Variants in DNMT1 observed in about 807,000 individuals in gnomAD.
DNMT1 encodes the protein DNA (cytosine-5)-methyltransferase 1.
Under a neutral mutation model 205.3 loss-of-function variants are expected in DNMT1, and 24 were observed. The ratio of observed to expected loss-of-function variants is 0.12; its 90% CI spans 0.08 to 0.16. DNMT1 has a LOEUF of 0.16. Ranked by LOEUF, DNMT1 falls within the 10% of genes least tolerant of loss-of-function variation. The pLI is 1.00. For missense variants in DNMT1, 1,293 were observed against 2,177.7 expected (o/e 0.59, Z 8.09); for synonymous variants, 817 against 839.8 (o/e 0.97, Z 0.47).
At chr19:10,158,085 G>A (rs979682327) in intron 17 of DNMT1, among the ~76,000 whole-genome samples, 3 of 152,292 alleles carry the variant, frequency 2.0e-5, no homozygotes, top group South Asian at 2.1e-4. Context: ...CTCCAGGAAC[G>A]AATCTATGAT....
intron 5 of DNMT1, among the ~76,000 whole-genome samples, chr19:10,179,290 G>A (rs2038995096): frequency 6.6e-6 from 1 of 151,956 alleles, no homozygotes; most frequent in South Asian, 2.1e-4. Flanking sequence ...CATGTTTTGG[G>A]ATCTAATGCT....
At position 10,175,615 on chromosome 19, in the gene DNMT1, A is replaced by T. The variant is rs771284800; in HGVS notation, c.573T>A (p.Pro191=). ...TTITSHFAKG[P]AKRKPQEESE... ...ACTCTTCCTGAGGTTTCCGTTTGGC[A>T]GGGCTGTCACACACAGTGAGGCCAA... Residue 191 remains proline (P), a synonymous_variant, in exon 7 of 41, where the codon CCT becomes CCA. Transcript: ENST00000359526. 4 of 1,614,020 alleles carry T rather than the reference A, an allele frequency of 2.5e-6. No individual in the cohort carries two copies. In the South Asian group the frequency reaches 4.4e-5, roughly 18 times the overall value.
intron 1 of DNMT1, among the ~76,000 whole-genome samples, chr19:10,189,504 C>T (rs1352574208): frequency 6.6e-6 from 1 of 151,492 alleles, no homozygotes; most frequent in Admixed American, 6.6e-5. Flanking sequence ...ACTGCAGCCT[C>T]GACCTCATGG....
chr19:10,156,924 T>A lies in DNMT1; in HGVS notation c.1281-415A>T, dbSNP rs973813583. Among the ~76,000 whole-genome samples the A allele has an allele frequency of 4.6e-5, 7 of 152,086 alleles. No individual in the cohort carries two copies. The highest frequency in any genetic ancestry group is 8.8e-5 in the Non-Finnish European group (6 of 67,986). ...GAACCACCATGCCTGGCCCCGACAC[T>A]CATTTTTTGGTTGCGGGAACACTGG... On this transcript the variant is annotated intron_variant, in intron 17 of 40. Transcript: ENST00000359526. This position sits in a 1 kb window ranked among gnomAD's most constrained non-coding sequence, Gnocchi z 4.2.
chr19:10,142,106 G>T lies in DNMT1; in HGVS notation c.3231C>A (p.Thr1077=), dbSNP rs137880469. ...CGGGCAGGTCCTCCCCATACTCCAC[G>T]GTGCAGCGGCCCTGCACAGCCTTGA... ...VDFKAVQGRC[T]VEYGEDLPEC... is the part of the protein sequence containing the mutation. Residue 1077 remains threonine (T), a synonymous_variant, in exon 30 of 41, where the codon ACC becomes ACA. Coordinates refer to ENST00000359526, the MANE Select transcript of DNMT1 (RefSeq NM_001130823.3). 4.3e-5 allele frequency: 69 copies of T among 1,613,068 alleles called. No individual in the cohort carries two copies. Among genetic ancestry groups the T allele is most frequent in the Non-Finnish European group, 5.9e-5 (69 of 1,179,388 alleles).
In DNMT1 at chr19:10,166,590, G is replaced by A. The variant is rs117294281; in HGVS notation, c.891+8C>T. On this transcript the variant is annotated splice_region_variant and intron_variant, in intron 11 of 40. Transcript: ENST00000359526. ...GGGGGAGTTCAGAAACAAATAACCC[G>A]CCTTTACTTTCTCGTCTCCATCTTC... 4.2e-3 allele frequency: 6,774 copies of A among 1,613,950 alleles called. 62 individuals carry two copies. In the Middle Eastern group the frequency reaches 0.065, roughly 16 times the overall value.
chr19:10,139,958 G>T, intron 33 of DNMT1, 88 bp downstream of exon 33: 2 of 1,597,566 alleles, frequency 1.3e-6, no homozygotes. Flanking sequence ...GGGGGCAGAG[G>T]CCTCAGTGCA....
Position 10,175,555 on chromosome 19 carries a change from T to C in DNMT1, c.633A>G (p.Glu211=), listed in dbSNP as rs141264613. The change falls in exon 7 of 41, where the codon GAA becomes GAG. Residue 211 remains glutamate (E), a synonymous_variant. Coordinates refer to ENST00000359526, the MANE Select transcript of DNMT1 (RefSeq NM_001130823.3). The stretch of plus-strand genomic sequence containing the variant: ...CTGGCCCTACCTGGTCTTTGTCTTC[T>C]TCCTTGATGGACTCATCCGATTTGG... ...ERAKSDESIK[E]EDKDQDEKRR... 339 of 1,614,090 alleles carry C rather than the reference T, an allele frequency of 2.1e-4. 3 individuals carry two copies. Among genetic ancestry groups the C allele is most frequent in the South Asian group, 1.5e-3 (139 of 91,072 alleles).
chr19:10,164,124 C>CAT (rs768384950), intron 11 of DNMT1, among the ~76,000 whole-genome samples: 30 of 152,116 alleles, frequency 2.0e-4, no homozygotes, highest in Non-Finnish European at 3.4e-4. Context: ...CAAAAAGCAG[C>CAT]ATATATATAT....
intron 19 of DNMT1, 112 bp from the exon 20 acceptor site, chr19:10,155,168 C>T (rs1417759400): frequency 5.6e-6 from 8 of 1,416,802 alleles, no homozygotes; most frequent in Admixed American, 5.5e-5. Flanking sequence ...AAAGTCATCC[C>T]GTACCCAAAT....
At position 10,134,302 on chromosome 19, in the gene DNMT1, G is replaced by T. The variant is rs758396323; in HGVS notation, c.4779C>A (p.Gly1593=). ...TGGCCAGGGGCGGTGGCACGGCATT[G>T]CCCACCTGCAGGAGGGGAGAAGGGC... ...GNILDKHRQV[G]NAVPPPLAKA... Residue 1593 remains glycine, a synonymous_variant, in exon 40 of 41, where the codon GGC becomes GGA. Coordinates refer to ENST00000359526, the MANE Select transcript of DNMT1 (RefSeq NM_001130823.3). 3 of 1,613,986 alleles carry T rather than the reference G, an allele frequency of 1.9e-6. No individual in the cohort carries two copies. Among genetic ancestry groups the T allele is most frequent in the Non-Finnish European group, 2.5e-6 (3 of 1,180,020 alleles).
At position 10,156,014 on chromosome 19, in the gene DNMT1, G is replaced by A. The variant is rs541367694; in HGVS notation, c.1400-69C>T. 4.2e-5 allele frequency: 64 copies of A among 1,511,102 alleles called. No homozygotes were observed. In the African/African-American group the frequency reaches 6.7e-4, roughly 16 times the overall value. The allele number at this position is 1,511,102 out of a possible 1,614,324, so 93.6% of individuals were successfully genotyped here. Reference sequence around the variant, plus strand: ...CCCAAACCCAGGAGGCGCTCTAAGCGCCCACTCAGCAGACATCCCATCAGC... The same window carrying A: ...CCCAAACCCAGGAGGCGCTCTAAGCACCCACTCAGCAGACATCCCATCAGC... On this transcript the variant is annotated intron_variant, in intron 18 of 40. Transcript: ENST00000359526. The surrounding 1 kb of genome is among the most constrained non-coding windows in gnomAD (Gnocchi z 4.2).
At chr19:10,150,156 A>G (rs1170979174) in intron 24 of DNMT1, among the ~76,000 whole-genome samples, 188 bp from the exon 25 acceptor site, 1 of 152,004 alleles carries the variant, frequency 6.6e-6, no homozygotes, top group African/African-American at 2.4e-5. Flanking sequence ...AAGAACATCC[A>G]CCTTCCTTGG....
rs1216341078 is a variant in DNMT1 at position 10,194,869 on chromosome 19, G to A, written c.31C>T (p.Pro11Ser). 6.2e-7 allele frequency: 1 copy of A among 1,611,366 alleles called. No homozygotes were observed. MPARTAPARV[P>S]TLAVPAISLP... is the part of the protein sequence containing the mutation. ...GAGATGGCCGGGACGGCCAGTGTGGGCACCCGGGCTGGGGCGGTACGCGCC... is the reference window on the plus strand; with the variant it reads ...GAGATGGCCGGGACGGCCAGTGTGGACACCCGGGCTGGGGCGGTACGCGCC... Residue 11 changes from proline (P) to serine (S), a missense_variant, in exon 1 of 41, where the codon CCC (proline) becomes TCC (serine). Around this residue, in one of 13 missense-constraint regions of DNMT1, gnomAD observed 394 missense variants for 451.6 expected, o/e 0.87. Coordinates refer to ENST00000359526, the MANE Select transcript of DNMT1 (RefSeq NM_001130823.3).
rs1599363858 is a variant in DNMT1, at chr19:10,152,949, A to G, written c.2020-1102T>C. On this transcript the variant is annotated intron_variant, in intron 22 of 40. Coordinates refer to ENST00000359526, the MANE Select transcript of DNMT1 (RefSeq NM_001130823.3). ...ACCCTGTCTCTACAAAAAAAAAAAA[A>G]AAAAGCAATATTCAACCTCATTAGA... is the stretch of plus-strand genomic sequence containing the variant. 2.0e-5 allele frequency among the ~76,000 whole-genome samples: 3 copies of G among 152,118 alleles called. No homozygotes were observed. The South Asian group carries it at 6.2e-4, about 32-fold the overall frequency.
intron 1 of DNMT1, among the ~76,000 whole-genome samples, chr19:10,186,782 G>A (rs1173926991): frequency 1.4e-5 from 2 of 143,992 alleles, no homozygotes; most frequent in Admixed American, 1.5e-4. Context: ...AGGCTGCGGT[G>A]AGCCAAGGTC....
intron 1 of DNMT1, among the ~76,000 whole-genome samples, chr19:10,190,037 C>A (rs950397401): frequency 3.3e-5 from 5 of 152,196 alleles, no homozygotes; most frequent in Admixed American, 1.3e-4. Context: ...TGAAACCCAG[C>A]AGTCTGTACC....
Position 10,154,561 on chromosome 19 carries a change from A to C in DNMT1, c.1832+25T>G. ...CTACCCTCCCCGGTCTCCAGTCTTC[A>C]CTCTGGTCCCTGCCGCATCCTTACC... On this transcript the variant is annotated intron_variant, in intron 21 of 40. Transcript: ENST00000359526. This position sits in a 1 kb window ranked among gnomAD's most constrained non-coding sequence, Gnocchi z 6.3. 6.2e-7 allele frequency: 1 copy of C among 1,613,604 alleles called. No individual in the cohort carries two copies. The highest frequency in any genetic ancestry group is 8.5e-7 in the Non-Finnish European group (1 of 1,179,798).
At chr19:10,149,110 G>A in intron 26 of DNMT1, 93 bp from the exon 27 acceptor site, 1 of 1,547,354 alleles carries the variant, frequency 6.5e-7, no homozygotes, top group Admixed American at 1.9e-5. Flanking sequence ...GATCACCTAA[G>A]GTCAGGAGTT....
Sources: gnomAD v4.1 joint callset for allele counts (sites outside exome capture counted in the v4.1 genomes callset) on GRCh38, gnomAD v4.1.1 for gene constraint, gnomAD v4.1.1 regional missense constraint, Gnocchi (gnomAD v3.1) non-coding constraint, MANE v1.5 for transcripts, NCBI Gene and HGNC (gene_info 2026-07-23, HGNC 2026-07-21) for gene names.